Variants in GMDS observed in about 807,000 individuals in gnomAD.
GMDS encodes GDP-mannose 4,6 dehydratase.
In GMDS, 20 loss-of-function variants were observed where a neutral mutation model predicts 49.9. The observed-to-expected ratio is 0.40, with a 90% CI of 0.28 to 0.58. The LOEUF (loss-of-function observed/expected upper bound fraction) is 0.58. GMDS is among the 20% of genes least tolerant of loss of function. The pLI is 0.42. For missense variants in GMDS, 362 were observed against 481.4 expected (o/e 0.75, Z 2.32); for synonymous variants, 177 against 178.6 (o/e 0.99, Z 0.07).
intron 4 of GMDS, among the ~76,000 whole-genome samples, chr6:2,087,489 T>C (rs1252055900): frequency 6.6e-6 from 1 of 152,176 alleles, no homozygotes; most frequent in Non-Finnish European, 1.5e-5. Context: ...CTGAACTCAA[T>C]CTTAACAGAA....
intron 1 of GMDS, among the ~76,000 whole-genome samples, chr6:2,219,556 G>A (rs372549700): frequency 6.6e-6 from 1 of 152,056 alleles, no homozygotes; most frequent in East Asian, 1.9e-4. Context: ...AAATACAACT[G>A]AAGGTGAGTT....
chr6:1,932,856 T>C (rs928200430), intron 6 of GMDS, among the ~76,000 whole-genome samples: 10 of 152,324 alleles, frequency 6.6e-5, no homozygotes, highest in African/African-American at 2.2e-4. Flanking sequence ...ATTTTAACTA[T>C]TATTTAGAAC....
intron 2 of GMDS, among the ~76,000 whole-genome samples, chr6:2,122,638 A>G (rs1229981299): frequency 3.3e-5 from 5 of 152,184 alleles, no homozygotes; most frequent in African/African-American, 1.2e-4. Flanking sequence ...GATTCCTCCT[A>G]ATGGTTTATT....
chr6:1,944,281 C>T (rs142469052), intron 6 of GMDS, among the ~76,000 whole-genome samples: 29 of 152,184 alleles, frequency 1.9e-4, no homozygotes, highest in African/African-American at 6.5e-4. Context: ...CCGAGGCGGA[C>T]GGATCACGAG....
chr6:2,128,800 G>C (rs774506927), intron 1 of GMDS, among the ~76,000 whole-genome samples: 1 of 152,228 alleles, frequency 6.6e-6, no homozygotes, highest in Non-Finnish European at 1.5e-5. Context: ...CAAATGCAGA[G>C]AAGTCATGTA....
rs774649581 is a variant in GMDS at position 1,703,581 on chromosome 6, C to T, written c.987+22835G>A. Among the ~76,000 whole-genome samples, 76 of 152,346 alleles carry T rather than the reference C, an allele frequency of 5.0e-4. No homozygotes were observed. The Middle Eastern group carries it at 0.017, about 34-fold the overall frequency. ...AAGAAATACAATCCTCTTCCCTACT[C>T]CCCAATAAAGCTGTGGGGCAGCACG... On this transcript the variant is annotated intron_variant, in intron 9 of 10. Coordinates refer to ENST00000380815, the MANE Select transcript of GMDS (RefSeq NM_001500.4).
At chr6:2,206,280 A>G (rs1325511726) in intron 1 of GMDS, among the ~76,000 whole-genome samples, 2 of 151,808 alleles carry the variant, frequency 1.3e-5, no homozygotes, top group African/African-American at 4.8e-5. Flanking sequence ...AAGCCCGGAC[A>G]TCCAACTCTG....
At chr6:1,735,749 A>C (rs1414610929) in intron 8 of GMDS, among the ~76,000 whole-genome samples, 1 of 152,206 alleles carries the variant, frequency 6.6e-6, no homozygotes, top group Non-Finnish European at 1.5e-5. Flanking sequence ...CTTTCTGCAA[A>C]CATAACTCCA....
At chr6:1,744,355 A>C (rs910253078) in intron 7 of GMDS, among the ~76,000 whole-genome samples, 1 of 152,226 alleles carries the variant, frequency 6.6e-6, no homozygotes, top group African/African-American at 2.4e-5. Context: ...CTTGGCGAGA[A>C]GACATATTTG....
chr6:1,658,419 C>T (rs1367421972), intron 9 of GMDS, among the ~76,000 whole-genome samples: 1 of 152,366 alleles, frequency 6.6e-6, no homozygotes, highest in South Asian at 2.1e-4. Flanking sequence ...TTCGGCCCTG[C>T]GCCCACACAG....
intron 1 of GMDS, among the ~76,000 whole-genome samples, chr6:2,177,909 G>A (rs761418067): frequency 2.0e-5 from 3 of 152,158 alleles, no homozygotes; most frequent in South Asian, 2.1e-4. Flanking sequence ...CAGTGGACTA[G>A]ATAAAGAAAA....
rs188682271 is a variant in GMDS, at chr6:1,942,915, T to G, written c.644-12685A>C. ...TTCCATCTGGCCCAGGCCCTTATCA[T>G]TTTCTTTACTGGATTGCTGTCACTG... On this transcript the variant is annotated intron_variant, in intron 6 of 10. Transcript: ENST00000380815. Among the ~76,000 whole-genome samples the G allele has an allele frequency of 2.0e-5, 3 of 152,352 alleles. 1 individual carries two copies. Among genetic ancestry groups the G allele is most frequent in the Admixed American group, 2.0e-4 (3 of 15,308 alleles).
At chr6:1,732,352 A>AAGAT (rs745980912) in intron 8 of GMDS, among the ~76,000 whole-genome samples, 5 of 152,196 alleles carry the variant, frequency 3.3e-5, no homozygotes, top group Admixed American at 6.5e-5. Context: ...AAAATAAAAA[A>AAGAT]AGATAAAATA....
intron 7 of GMDS, among the ~76,000 whole-genome samples, chr6:1,866,997 A>G (rs906538465): frequency 2.0e-5 from 3 of 152,264 alleles, no homozygotes; most frequent in Admixed American, 6.5e-5. Context: ...AGTTAAAACA[A>G]TCAGTGTTAC....
intron 9 of GMDS, among the ~76,000 whole-genome samples, chr6:1,718,118 C>T (rs73405550): frequency 0.049 from 7,432 of 152,108 alleles, 607 homozygotes; most frequent in African/African-American, 0.17. Flanking sequence ...CCTGGCTCTG[C>T]GACCAGCTCC....
At chr6:1,912,752 G>A (rs958590372) in intron 7 of GMDS, among the ~76,000 whole-genome samples, 1 of 152,318 alleles carries the variant, frequency 6.6e-6, no homozygotes, top group East Asian at 1.9e-4. Flanking sequence ...TTAGAAAGCA[G>A]TATTTCACAA....
At chr6:2,007,065 A>C (rs2127389152) in intron 4 of GMDS, among the ~76,000 whole-genome samples, 1 of 152,378 alleles carries the variant, frequency 6.6e-6, no homozygotes, top group South Asian at 2.1e-4. Context: ...ACAATAGAAG[A>C]TAACAAATTA....
intron 7 of GMDS, among the ~76,000 whole-genome samples, chr6:1,745,817 T>C (rs894064319): frequency 2.0e-5 from 3 of 152,222 alleles, no homozygotes; most frequent in Non-Finnish European, 4.4e-5. Flanking sequence ...CCACTGAGCA[T>C]AATTAATGGT....
intron 1 of GMDS, among the ~76,000 whole-genome samples, chr6:2,186,267 G>A (rs1307204945): frequency 6.6e-6 from 1 of 152,192 alleles, no homozygotes; most frequent in Non-Finnish European, 1.5e-5. Flanking sequence ...ATAGAATACT[G>A]TTTGTGTAGC....
Sources: gnomAD v4.1 joint callset for allele counts (sites outside exome capture counted in the v4.1 genomes callset) on GRCh38, gnomAD v4.1.1 for gene constraint, MANE v1.5 for transcripts, NCBI Gene and HGNC (gene_info 2026-07-23, HGNC 2026-07-21) for gene names.